Variants in CARD14 observed in about 807,000 individuals in gnomAD.
CARD14 encodes caspase recruitment domain-containing protein 14.
A neutral mutation model predicts 111.5 loss-of-function variants in CARD14; 107 were observed. The ratio of observed to expected loss-of-function variants is 0.96; its 90% CI spans 0.82 to 1.13. CARD14 has a LOEUF of 1.13. Among genes scored for constraint, CARD14 ranks in the 50% most tolerant of loss-of-function variants. The pLI is 0.00. For missense variants in CARD14, 1,322 were observed against 1,362.3 expected (o/e 0.97, Z 0.47); for synonymous variants, 617 against 579.6 (o/e 1.06, Z -0.93).
chr17:80,181,935 A>G (rs2040188917), intron 5 of CARD14, among the ~76,000 whole-genome samples: 1 of 152,208 alleles, frequency 6.6e-6, no homozygotes, highest in Admixed American at 6.5e-5. Context: ...TTTGGAGTCC[A>G]TTCTGATGGT....
At position 80,182,229 on chromosome 17, in the gene CARD14, C is replaced by A. The variant is rs956747809; in HGVS notation, c.212-424C>A. Among the ~76,000 whole-genome samples, 1 of 152,188 alleles carries A rather than the reference C, an allele frequency of 6.6e-6. No individual in the cohort carries two copies. The highest frequency in any genetic ancestry group is 2.4e-5 in the African/African-American group (1 of 41,452). ...CCGAGGCTCTCTGGGACCTGTCACCCGCAGCCCCGGGGTGCCACTCTGCTT... is the reference window on the plus strand; with the variant it reads ...CCGAGGCTCTCTGGGACCTGTCACCAGCAGCCCCGGGGTGCCACTCTGCTT... On this transcript the variant is annotated intron_variant, in intron 5 of 23. Transcript: ENST00000648509. The surrounding 1 kb of genome is among the most constrained non-coding windows in gnomAD (Gnocchi z 4.7).
chr17:80,198,060 G>A lies in CARD14; in HGVS notation c.1595-39G>A, dbSNP rs769339944. Reference sequence around the variant, plus strand: ...GGTTACAGGACGCCCCATCAGCAGTGGGGTGACCAAGATCTGTGAGCTCTT... The same window carrying A: ...GGTTACAGGACGCCCCATCAGCAGTAGGGTGACCAAGATCTGTGAGCTCTT... On this transcript the variant is annotated intron_variant, in intron 14 of 23. Transcript: ENST00000648509. This position sits in a 1 kb window ranked among gnomAD's most constrained non-coding sequence, Gnocchi z 7.5. The A allele has an allele frequency of 1.2e-6, 2 of 1,609,400 alleles. No individual in the cohort carries two copies. The highest frequency in any genetic ancestry group is 2.2e-5 in the South Asian group (2 of 90,796).
intron 7 of CARD14, among the ~76,000 whole-genome samples, chr17:80,186,755 G>C (rs2040357573): frequency 6.6e-6 from 1 of 152,106 alleles, no homozygotes; most frequent in Non-Finnish European, 1.5e-5. Context: ...TTGCCATGTT[G>C]GCCAGGCTGG....
At chr17:80,176,148 G>T (rs867202054) in intron 2 of CARD14, among the ~76,000 whole-genome samples, 2 of 146,798 alleles carry the variant, frequency 1.4e-5, no homozygotes, top group Non-Finnish European at 3.0e-5. Context: ...TATAACTCAC[G>T]GCCAAACACA....
In CARD14 at chr17:80,201,608, T is replaced by C; in HGVS notation, c.1852-136T>C. 1.1e-6 allele frequency: 1 copy of C among 871,120 alleles called. No individual in the cohort carries two copies. Among genetic ancestry groups the C allele is most frequent in the Non-Finnish European group, 1.9e-6 (1 of 527,670 alleles). 54.0% of individuals were successfully genotyped at this position (871,120 alleles called of 1,614,324 possible). On this transcript the variant is annotated intron_variant, in intron 16 of 23. Transcript: ENST00000648509. The surrounding 1 kb of genome is among the most constrained non-coding windows in gnomAD (Gnocchi z 5.0). ...AGAGGCTCTGGTGTGTGGCTTTGTT[T>C]TGACCAAGGCGTGCAGGCAGTGGTC...
chr17:80,191,468 G>A lies in CARD14; in HGVS notation c.1235G>A (p.Gly412Asp), dbSNP rs772930067. Reference sequence around the variant, plus strand: ...CGCCAGCTGCAGGCAGAGCCTCCGGGTGTGGTGAGTGTTCCCGGCTGACCC... The same window carrying A: ...CGCCAGCTGCAGGCAGAGCCTCCGGATGTGGTGAGTGTTCCCGGCTGACCC... The part of the protein sequence containing the change: ...QLRQLQAEPP[G>D]VLKQEARTRE... The change falls in exon 11 of 24, where the codon GGT (glycine) becomes GAT (aspartate). Residue 412 changes from glycine to aspartate, a missense_variant. Physicochemically the swap from Gly to Asp is moderately conservative, Grantham distance 94. Coordinates refer to ENST00000648509, the MANE Select transcript of CARD14 (RefSeq NM_001366385.1). 1 of 1,611,400 alleles carries A rather than the reference G, an allele frequency of 6.2e-7. No homozygotes were observed. The highest frequency in any genetic ancestry group is 8.5e-7 in the Non-Finnish European group (1 of 1,178,282).
rs2040016384 is a variant in CARD14 at position 80,175,974 on chromosome 17, TTTTTTTTTTTTTTTTTTTA to T, written c.-366-2533_-366-2515del. ...ATCGTTTTTTTTTTTTTTTTTTTTT[TTTTTTTTTTTTTTTTTTTA>T]AAAACGGGATCGTGCTATGTTGCTA... is the stretch of plus-strand genomic sequence containing the variant. On this transcript the variant is annotated intron_variant, in intron 2 of 23. Coordinates refer to ENST00000648509, the MANE Select transcript of CARD14 (RefSeq NM_001366385.1). Among the ~76,000 whole-genome samples, 6 of 85,598 alleles carry T rather than the reference TTTTTTTTTTTTTTTTTTTA, an allele frequency of 7.0e-5. 1 individual carries two copies. Among genetic ancestry groups the T allele is most frequent in the African/African-American group, 1.4e-4 (3 of 21,422 alleles). 56.2% of individuals were successfully genotyped at this position (85,598 alleles called of 152,430 possible).
intron 7 of CARD14, among the ~76,000 whole-genome samples, chr17:80,184,823 G>A (rs918292531): frequency 2.9e-5 from 4 of 135,658 alleles, no homozygotes; most frequent in Non-Finnish European, 6.3e-5. Context: ...GCTGGTCCTG[G>A]ACTCAGGCGG....
intron 1 of CARD14, among the ~76,000 whole-genome samples, chr17:80,171,584 T>C (rs1299991907): frequency 6.6e-6 from 1 of 152,186 alleles, no homozygotes; most frequent in Non-Finnish European, 1.5e-5. Context: ...TTAACTGCCA[T>C]TGGAGACTAC....
In CARD14 at chr17:80,205,018, G is replaced by C. The variant is rs755829921; in HGVS notation, c.2399-17G>C. ...CTGCCGCAGCCTCACCCACCCTCAG[G>C]ATCCTCTCCTCCACAGGCTCCAGCA... is the stretch of plus-strand genomic sequence containing the variant. On this transcript the variant is annotated splice_polypyrimidine_tract_variant and intron_variant, in intron 20 of 23. Coordinates refer to ENST00000648509, the MANE Select transcript of CARD14 (RefSeq NM_001366385.1). 21 of 1,547,204 alleles carry C rather than the reference G, an allele frequency of 1.4e-5. No homozygotes were observed. Among genetic ancestry groups the C allele is most frequent in the Non-Finnish European group, 1.8e-5 (21 of 1,143,362 alleles).
rs768725489 is a variant in CARD14 at position 80,202,243 on chromosome 17, T to G, written c.2042T>G (p.Ile681Ser). ...KVATSGDSFYIRVNLAMEGRA... is the reference protein window; with the variant it reads ...KVATSGDSFYSRVNLAMEGRA... ...GCGACCTCGGGGGACTCATTCTACA[T>G]CCGGGTCAACCTGGCCATGGAGGGC... Residue 681 changes from isoleucine (I) to serine (S), a missense_variant, in exon 18 of 24, where the codon ATC becomes AGC. Ile to Ser is a moderately radical substitution (Grantham distance 142, BLOSUM62 -2). Transcript: ENST00000648509. The G allele has an allele frequency of 9.9e-6, 16 of 1,613,850 alleles. No homozygotes were observed. The East Asian group carries it at 3.3e-4, about 34-fold the overall frequency.
chr17:80,174,460 G>A (rs1045599251), intron 2 of CARD14, among the ~76,000 whole-genome samples: 8 of 151,992 alleles, frequency 5.3e-5, no homozygotes, highest in Admixed American at 1.3e-4. Flanking sequence ...CGACCTGCCC[G>A]TCTCTGCCTC....
Position 80,184,213 on chromosome 17 carries a change from C to G in CARD14, c.650C>G (p.Ser217Ter). Residue 217 changes from serine (S) to a stop codon, truncating the protein, a stop_gained, in exon 7 of 24, where the codon TCA becomes TGA. Transcript: ENST00000648509. LOFTEE classifies it high-confidence loss of function. ...NALQEKELAA[S>*]RCRSLQEELY... ...CTGCAGGAGAAGGAGCTGGCCGCCTCACGCTGCCGCAGCCTGCAGGAGGAG... is the reference window on the plus strand; with the variant it reads ...CTGCAGGAGAAGGAGCTGGCCGCCTGACGCTGCCGCAGCCTGCAGGAGGAG... 6.5e-7 allele frequency: 1 copy of G among 1,541,866 alleles called. No individual in the cohort carries two copies. The highest frequency in any genetic ancestry group is 8.8e-7 in the Non-Finnish European group (1 of 1,141,474).
rs114318559 is a variant in CARD14, at chr17:80,176,283, C to A, written c.-366-2225C>A. Reference sequence around the variant, plus strand: ...CCTTCTTTACAAAAAACAACAACAACAAAAAAAATGAGCCTGGCATGGGGG... The same window carrying A: ...CCTTCTTTACAAAAAACAACAACAAAAAAAAAAATGAGCCTGGCATGGGGG... On this transcript the variant is annotated intron_variant, in intron 2 of 23. Transcript: ENST00000648509. Among the ~76,000 whole-genome samples, 921 of 149,966 alleles carry A rather than the reference C, an allele frequency of 6.1e-3. 10 individuals are homozygous for A. The highest frequency in any genetic ancestry group is 0.021 in the African/African-American group (847 of 40,810).
chr17:80,175,812 A>G (rs142269431), intron 2 of CARD14, among the ~76,000 whole-genome samples: 3 of 151,748 alleles, frequency 2.0e-5, no homozygotes, highest in African/African-American at 7.2e-5. Flanking sequence ...CGCACTGTGG[A>G]CCCCCAGCCC....
At position 80,181,448 on chromosome 17, in the gene CARD14, C is replaced by T; in HGVS notation, c.10C>T (p.Leu4=). The part of the protein sequence containing the change: MGE[L]CRRDSALTAL... The stretch of plus-strand genomic sequence containing the variant: ...CTCCCAGCGCCCAGCCATGGGGGAA[C>T]TGTGCCGCAGGGACTCCGCACTCAC... Residue 4 remains leucine (L), a synonymous_variant, in exon 5 of 24, where the codon CTG becomes TTG. Coordinates refer to ENST00000648509, the MANE Select transcript of CARD14 (RefSeq NM_001366385.1). 6.4e-7 allele frequency: 1 copy of T among 1,569,074 alleles called. No homozygotes were observed. The highest frequency in any genetic ancestry group is 8.6e-7 in the Non-Finnish European group (1 of 1,157,230).
intron 12 of CARD14, among the ~76,000 whole-genome samples, chr17:80,194,549 G>T (rs61625162): frequency 2.0e-5 from 3 of 152,194 alleles, no homozygotes; most frequent in Admixed American, 6.5e-5. Context: ...TCTCATGCTG[G>T]TGATACCCAC....
Position 80,198,721 on chromosome 17 carries a change from T to G in CARD14, c.1851+130T>G. ...CACTCTGGGCTGGGCCTCTGCTCTT[T>G]CCTGGGCTGACGTAAAGCGTTCTGC... On this transcript the variant is annotated intron_variant, in intron 16 of 23. Transcript: ENST00000648509. This position sits in a 1 kb window ranked among gnomAD's most constrained non-coding sequence, Gnocchi z 7.5. 3 of 1,572,610 alleles carry G rather than the reference T, an allele frequency of 1.9e-6. No homozygotes were observed. The highest frequency in any genetic ancestry group is 2.6e-6 in the Non-Finnish European group (3 of 1,160,872).
Position 80,198,411 on chromosome 17 carries a change from G to A in CARD14, c.1671G>A (p.Met557Ile), listed in dbSNP as rs2040799053. The A allele has an allele frequency of 3.1e-6, 5 of 1,602,476 alleles. No individual in the cohort carries two copies. Among genetic ancestry groups the A allele is most frequent in the Admixed American group, 1.7e-5 (1 of 59,614 alleles). The change falls in exon 16 of 24, where the codon ATG becomes ATA. Residue 557 changes from methionine to isoleucine, a missense_variant. Physicochemically the swap from Met to Ile is conservative, Grantham distance 10 (BLOSUM62 1). Coordinates refer to ENST00000648509, the MANE Select transcript of CARD14 (RefSeq NM_001366385.1). This position sits in a 1 kb window ranked among gnomAD's most constrained non-coding sequence, Gnocchi z 7.5. ...TCCCGGCCTGCAGCGGCGTCCTCATGCGGCGGAGGCCAGCCCGCAGGATCC... is the reference window on the plus strand; with the variant it reads ...TCCCGGCCTGCAGCGGCGTCCTCATACGGCGGAGGCCAGCCCGCAGGATCC... ...RLDVSESGVL[M>I]RRRPARRILS...
Sources: gnomAD v4.1 joint callset for allele counts (sites outside exome capture counted in the v4.1 genomes callset) on GRCh38, gnomAD v4.1.1 for gene constraint, Gnocchi (gnomAD v3.1) non-coding constraint, MANE v1.5 for transcripts, NCBI Gene and HGNC (gene_info 2026-07-23, HGNC 2026-07-21) for gene names.